Variants in ATP8A1 observed in about 807,000 individuals in gnomAD.
The protein encoded by ATP8A1 is ATPase phospholipid transporting 8A1, also known as phospholipid-transporting ATPase IA.
ATP8A1 carries 90 observed loss-of-function variants against 177.7 expected under a neutral mutation model. That is an observed-to-expected ratio of 0.51 (90% CI 0.43 to 0.60). The LOEUF (loss-of-function observed/expected upper bound fraction) is 0.60, where lower values mean the gene tolerates loss of function less well. Among genes scored for constraint, ATP8A1 ranks in the 20% least tolerant of loss-of-function variants. The pLI is 0.00. For missense variants in ATP8A1, 1,072 were observed against 1,392.8 expected (o/e 0.77, Z 3.67); for synonymous variants, 493 against 485.9 (o/e 1.01, Z -0.19).
rs1712383756 is a variant in ATP8A1 at position 42,409,712 on chromosome 4, T to A, written c.*3204A>T. On this transcript the variant is annotated 3_prime_UTR_variant, in exon 37 of 37. Coordinates refer to ENST00000381668, the MANE Select transcript of ATP8A1 (RefSeq NM_006095.2). ...CTATGAATAATACAATCTATTACTT[T>A]CTGACTAGCATTCATTTCCCGAGAA... 1 of 152,198 alleles carries A rather than the reference T, an allele frequency of 6.6e-6. No homozygotes were observed. The highest frequency in any genetic ancestry group is 2.4e-5 in the African/African-American group (1 of 41,468). 9.4% of individuals were successfully genotyped at this position (152,198 alleles called of 1,614,324 possible).
Position 42,485,516 on chromosome 4 carries a change from G to A in ATP8A1, c.2304C>T (p.Cys768=). 5 of 1,611,766 alleles carry A rather than the reference G, an allele frequency of 3.1e-6. No homozygotes were observed. The highest frequency in any genetic ancestry group is 1.1e-5 in the South Asian group (1 of 90,424). ...CTTACCGACAGCAAATGACAGCTTT[G>A]CATGACAAAGCTAAGTCCAGGAAAT... ...RQYFLDLALS[C]KAVICCRVSP... is the part of the protein sequence containing the mutation. The change falls in exon 25 of 37, where the codon TGC becomes TGT. Residue 768 remains cysteine, a synonymous_variant. Transcript: ENST00000381668.
At chr4:42,450,508 G>A (rs1717821370) in intron 30 of ATP8A1, among the ~76,000 whole-genome samples, 1 of 152,154 alleles carries the variant, frequency 6.6e-6, no homozygotes, top group Non-Finnish European at 1.5e-5. Flanking sequence ...AAACAAGCAA[G>A]CAACAAACTA....
At chr4:42,414,793 AAG>A (rs1402366883) in intron 35 of ATP8A1, 75 bp from the exon 36 acceptor site, 4 of 1,085,602 alleles carry the variant, frequency 3.7e-6, no homozygotes, top group African/African-American at 1.5e-5. Context: ...AGGACCACCA[AAG>A]AGAGTTAGAC....
intron 1 of ATP8A1, among the ~76,000 whole-genome samples, chr4:42,631,379 G>A (rs143285059): frequency 3.1e-4 from 47 of 152,294 alleles, no homozygotes; most frequent in African/African-American, 1.1e-3. Flanking sequence ...AGAAGTAATT[G>A]CCACAGGAAC....
chr4:42,585,957 A>G (rs1444407494), intron 9 of ATP8A1, among the ~76,000 whole-genome samples: 1 of 152,206 alleles, frequency 6.6e-6, no homozygotes, highest in Non-Finnish European at 1.5e-5. Context: ...TCCTTGAAGC[A>G]TCTCAAGATC....
At chr4:42,521,154 G>A (rs533710902) in intron 22 of ATP8A1, among the ~76,000 whole-genome samples, 4 of 152,258 alleles carry the variant, frequency 2.6e-5, no homozygotes, top group East Asian at 1.9e-4. Flanking sequence ...CAAGTAAACC[G>A]CAGCGGACAG....
chr4:42,608,790 A>G (rs1423309599), intron 5 of ATP8A1, among the ~76,000 whole-genome samples: 1 of 152,204 alleles, frequency 6.6e-6, no homozygotes, highest in African/African-American at 2.4e-5. Flanking sequence ...TTTAAGAGGA[A>G]TTTTAGGTCA....
intron 22 of ATP8A1, among the ~76,000 whole-genome samples, chr4:42,508,262 A>G (rs1401044951): frequency 6.6e-6 from 1 of 152,148 alleles, no homozygotes; most frequent in East Asian, 1.9e-4. Context: ...CCTCCAGAGT[A>G]GCTTGGATTA....
intron 25 of ATP8A1, 139 bp from the exon 26 acceptor site, chr4:42,465,215 C>T (rs1719607092): frequency 4.1e-6 from 3 of 740,618 alleles, no homozygotes; most frequent in Non-Finnish European, 6.5e-6. Context: ...TTTAGGTTTG[C>T]AAATGTTTAC....
intron 12 of ATP8A1, 107 bp from the exon 13 acceptor site, chr4:42,575,806 G>T (rs953226648): frequency 1.1e-6 from 1 of 928,584 alleles, no homozygotes; most frequent in Non-Finnish European, 1.7e-6. Flanking sequence ...GTCACTGTTT[G>T]ATGAACTATA....
Position 42,551,344 on chromosome 4 carries a change from G to C in ATP8A1, c.1520-64C>G. The C allele has an allele frequency of 5.3e-6, 6 of 1,128,636 alleles. No homozygotes were observed. The South Asian group carries it at 7.5e-5, about 14-fold the overall frequency. The allele number at this position is 1,128,636 out of a possible 1,614,324, so 69.9% of individuals were successfully genotyped here. On this transcript the variant is annotated intron_variant, in intron 17 of 36. Coordinates refer to ENST00000381668, the MANE Select transcript of ATP8A1 (RefSeq NM_006095.2). ...AAAAAAAAATATTCTCAGCACAAGAGAAGTACATTAAGGTAATATAATTTT... is the reference window on the plus strand; with the variant it reads ...AAAAAAAAATATTCTCAGCACAAGACAAGTACATTAAGGTAATATAATTTT...
chr4:42,515,015 A>T (rs1339124590), intron 22 of ATP8A1, among the ~76,000 whole-genome samples: 1 of 152,236 alleles, frequency 6.6e-6, no homozygotes, highest in Non-Finnish European at 1.5e-5. Context: ...ATAAAATGCA[A>T]AAACTAAAAA....
At chr4:42,606,648 T>C (rs11732861) in intron 5 of ATP8A1, among the ~76,000 whole-genome samples, 34,162 of 152,128 alleles carry the variant, frequency 0.22, 4,337 homozygotes, top group Non-Finnish European at 0.29. Flanking sequence ...CACAGAGCTG[T>C]CCTTGCCCTG....
Position 42,544,904 on chromosome 4 carries a change from G to T in ATP8A1, c.1653-918C>A, listed in dbSNP as rs377604337. 2.4e-4 allele frequency among the ~76,000 whole-genome samples: 37 copies of T among 152,260 alleles called. 1 individual carries two copies. The South Asian group carries it at 3.5e-3, about 15-fold the overall frequency. On this transcript the variant is annotated intron_variant, in intron 19 of 36. Transcript: ENST00000381668. ...CGGCCTGGCACGGTGGCTCATGCCT[G>T]TAATTCTAGCACTTTGGGAGGCCGA...
intron 5 of ATP8A1, among the ~76,000 whole-genome samples, chr4:42,608,539 T>C (rs1475736638): frequency 6.6e-6 from 1 of 152,090 alleles, no homozygotes; most frequent in Non-Finnish European, 1.5e-5. Flanking sequence ...TTTGTATTTT[T>C]AGTAGAGATG....
At chr4:42,538,957 CAT>C (rs1253617057) in intron 20 of ATP8A1, among the ~76,000 whole-genome samples, 1 of 152,196 alleles carries the variant, frequency 6.6e-6, no homozygotes, top group African/African-American at 2.4e-5. Flanking sequence ...TACTTGCACA[CAT>C]GTTTATAGCA....
At chr4:42,598,126 A>G (rs1734895220) in intron 6 of ATP8A1, among the ~76,000 whole-genome samples, 1 of 152,108 alleles carries the variant, frequency 6.6e-6, no homozygotes, top group Non-Finnish European at 1.5e-5. Context: ...CTCTTCTTCA[A>G]ATATTTATTA....
intron 35 of ATP8A1, among the ~76,000 whole-genome samples, chr4:42,417,780 A>C (rs1713414502): frequency 6.6e-6 from 1 of 152,234 alleles, no homozygotes; most frequent in Admixed American, 6.5e-5. Context: ...CTATCCATTC[A>C]TGGAATGTTT....
At chr4:42,504,358 T>A (rs561481749) in intron 23 of ATP8A1, among the ~76,000 whole-genome samples, 169 of 152,312 alleles carry the variant, frequency 1.1e-3, no homozygotes, top group African/African-American at 3.5e-3. Context: ...CTGACCACAC[T>A]CCTCCAGCCC....
Sources: allele counts gnomAD v4.1 joint callset (sites outside exome capture counted in the v4.1 genomes callset), GRCh38; gene constraint gnomAD v4.1.1; transcripts MANE v1.5; gene names NCBI Gene and HGNC (gene_info 2026-07-23, HGNC 2026-07-21).